Variants in GRAMD2B observed in about 807,000 individuals in gnomAD.
GRAMD2B encodes GRAM domain containing 2B.
GRAMD2B carries 41 observed loss-of-function variants against 59.2 expected under a neutral mutation model. The observed-to-expected ratio is 0.69, with a 90% CI of 0.54 to 0.90. GRAMD2B has a LOEUF of 0.90. GRAMD2B is among the 40% of genes least tolerant of loss of function. The pLI, the probability that GRAMD2B is intolerant of heterozygous loss-of-function variation, is 0.00. For synonymous variants in GRAMD2B, 161 were observed against 182.7 expected (o/e 0.88, Z 0.96); for missense variants, 424 against 500.5 (o/e 0.85, Z 1.46).
At chr5:126,447,570 A>G (rs1764500048) in intron 1 of GRAMD2B, among the ~76,000 whole-genome samples, 3 of 151,748 alleles carry the variant, frequency 2.0e-5, no homozygotes, top group Non-Finnish European at 2.9e-5. Context: ...AGGCTGAGGC[A>G]GGAGAATGGC....
chr5:126,490,558 C>T (rs920612268), intron 13 of GRAMD2B, among the ~76,000 whole-genome samples: 1 of 152,118 alleles, frequency 6.6e-6, no homozygotes, highest in Non-Finnish European at 1.5e-5. Flanking sequence ...TCAAAATGCG[C>T]GTGTTGATGT....
chr5:126,473,689 T>C lies in GRAMD2B; in HGVS notation c.486+321T>C, dbSNP rs79180807. Among the ~76,000 whole-genome samples, 421 of 152,314 alleles carry C rather than the reference T, an allele frequency of 2.8e-3. 2 individuals carry two copies. Among genetic ancestry groups the C allele is most frequent in the East Asian group, 0.014 (73 of 5,196 alleles). ...CAGAGAGCACTCAAAGTTGTTTATA[T>C]GGAGGGTGTGCCATGATTTTCAAAG... On this transcript the variant is annotated intron_variant, in intron 5 of 13. Coordinates refer to ENST00000285689, the MANE Select transcript of GRAMD2B (RefSeq NM_023927.4).
intron 1 of GRAMD2B, among the ~76,000 whole-genome samples, chr5:126,402,576 G>C (rs1757928338): frequency 6.6e-6 from 1 of 151,896 alleles, no homozygotes; most frequent in African/African-American, 2.4e-5. Flanking sequence ...TTATCTCTTT[G>C]ACAGATCCAC....
intron 1 of GRAMD2B, among the ~76,000 whole-genome samples, chr5:126,402,246 C>T (rs1194264178): frequency 6.6e-6 from 1 of 152,038 alleles, no homozygotes; most frequent in Non-Finnish European, 1.5e-5. Context: ...CTGTCACCCA[C>T]CCTAAGTGGA....
upstream of GRAMD2B, among the ~76,000 whole-genome samples, chr5:126,421,883 T>A (rs1759756361): frequency 6.6e-6 from 1 of 152,208 alleles, no homozygotes; most frequent in South Asian, 2.1e-4. Context: ...AAATCTAAAC[T>A]TTATTTTAAG....
intron 1 of GRAMD2B, among the ~76,000 whole-genome samples, chr5:126,439,458 C>G (rs1762943301): frequency 6.6e-6 from 1 of 150,926 alleles, no homozygotes; most frequent in African/African-American, 2.4e-5. Flanking sequence ...ACCCAAGTAG[C>G]TGGGATTACA....
chr5:126,392,262 A>T (rs533487757), intron 1 of GRAMD2B, among the ~76,000 whole-genome samples: 2 of 152,158 alleles, frequency 1.3e-5, no homozygotes, highest in South Asian at 4.1e-4. Flanking sequence ...ACTCACCATT[A>T]TTCGACTCAT....
chr5:126,465,569 T>C, intron 2 of GRAMD2B, 24 bp downstream of exon 2: 6 of 1,606,660 alleles, frequency 3.7e-6, no homozygotes, highest in Non-Finnish European at 5.1e-6. Context: ...TGACTCTCTT[T>C]GTTCTCTTTT....
At chr5:126,485,240 A>G (rs983218797) in intron 10 of GRAMD2B, among the ~76,000 whole-genome samples, 2 of 152,072 alleles carry the variant, frequency 1.3e-5, no homozygotes, top group Non-Finnish European at 2.9e-5. Flanking sequence ...AGTTCCAGCT[A>G]CTTGGGAGGC....
chr5:126,363,456 T>C (rs1048236489), intron 1 of GRAMD2B, among the ~76,000 whole-genome samples: 3 of 152,206 alleles, frequency 2.0e-5, no homozygotes, highest in Non-Finnish European at 2.9e-5. Context: ...CCTAGGTATA[T>C]AATCAAGGGA....
chr5:126,448,518 T>C (rs1048222216), intron 1 of GRAMD2B, among the ~76,000 whole-genome samples: 2 of 152,102 alleles, frequency 1.3e-5, no homozygotes, highest in East Asian at 1.9e-4. Context: ...GGAGAAGGAA[T>C]GATATGATCA....
intron 1 of GRAMD2B, among the ~76,000 whole-genome samples, chr5:126,448,367 C>T (rs749959986): frequency 2.6e-5 from 4 of 151,588 alleles, no homozygotes; most frequent in Non-Finnish European, 4.4e-5. Flanking sequence ...GCATGGCAGC[C>T]CAGGAGGAGG....
At chr5:126,407,712 A>G (rs941914466) in intron 1 of GRAMD2B, among the ~76,000 whole-genome samples, 1 of 151,982 alleles carries the variant, frequency 6.6e-6, no homozygotes, top group Non-Finnish European at 1.5e-5. Context: ...ATAATACTCC[A>G]CACACCGTGG....
chr5:126,406,902 T>A (rs1043799324), intron 1 of GRAMD2B, among the ~76,000 whole-genome samples: 6 of 152,160 alleles, frequency 3.9e-5, no homozygotes, highest in Admixed American at 1.3e-4. Context: ...GAAGTTTGAA[T>A]ACAAATTCTG....
intron 1 of GRAMD2B, among the ~76,000 whole-genome samples, chr5:126,399,195 T>C (rs1320077751): frequency 6.6e-6 from 1 of 152,216 alleles, no homozygotes; most frequent in African/African-American, 2.4e-5. Flanking sequence ...AGTGGGGTAT[T>C]GAGGTATCCT....
intron 1 of GRAMD2B, among the ~76,000 whole-genome samples, chr5:126,409,499 T>A (rs1017628474): frequency 2.0e-5 from 3 of 152,242 alleles, no homozygotes; most frequent in Non-Finnish European, 4.4e-5. Context: ...TTGAGAAGTG[T>A]CTGCTCATGT....
At chr5:126,372,889 C>G (rs1441220735) in intron 1 of GRAMD2B, among the ~76,000 whole-genome samples, 3 of 151,772 alleles carry the variant, frequency 2.0e-5, no homozygotes, top group Non-Finnish European at 4.4e-5. Context: ...AAGCTCTAAC[C>G]AGGAAAAAAA....
chr5:126,434,806 C>T (rs1762152776), intron 1 of GRAMD2B, among the ~76,000 whole-genome samples: 3 of 152,170 alleles, frequency 2.0e-5, no homozygotes, highest in South Asian at 2.1e-4. Flanking sequence ...CATGAGCCAC[C>T]GTGCCCAGCC....
At chr5:126,377,319 A>G (rs551888087) in intron 1 of GRAMD2B, among the ~76,000 whole-genome samples, 10 of 151,928 alleles carry the variant, frequency 6.6e-5, no homozygotes, top group African/African-American at 2.4e-4. Flanking sequence ...TTAACCACTT[A>G]TCAGAATGTA....
Sources: allele counts gnomAD v4.1 joint callset (sites outside exome capture counted in the v4.1 genomes callset), GRCh38; gene constraint gnomAD v4.1.1; transcripts MANE v1.5; gene names NCBI Gene and HGNC (gene_info 2026-07-23, HGNC 2026-07-21).